The following ANKS1B variants were observed in gnomAD, a reference collection of about 807,000 sequenced individuals.
ANKS1B encodes ankyrin repeat and sterile alpha motif domain-containing protein 1B.
In ANKS1B, 36 loss-of-function variants were observed where a neutral mutation model predicts 148.3. The observed-to-expected ratio is 0.24, with a 90% CI of 0.19 to 0.32. The LOEUF is 0.32. Ranked by LOEUF, ANKS1B falls within the 10% of genes least tolerant of loss-of-function variation. The pLI, the probability that ANKS1B is intolerant of heterozygous loss-of-function variation, is 1.00. For synonymous variants in ANKS1B, 542 were observed against 560.8 expected (o/e 0.97, Z 0.47); for missense variants, 1,157 against 1,542.6 (o/e 0.75, Z 4.19).
chr12:99,168,558 A>C (rs887530642), intron 14 of ANKS1B, among the ~76,000 whole-genome samples: 1 of 152,096 alleles, frequency 6.6e-6, no homozygotes, highest in African/African-American at 2.4e-5. Context: ...TAAAGTAGAA[A>C]AAGAAAATAC....
intron 15 of ANKS1B, among the ~76,000 whole-genome samples, chr12:99,119,984 T>A (rs926775840): frequency 6.6e-6 from 1 of 152,204 alleles, no homozygotes; most frequent in African/African-American, 2.4e-5. Context: ...GAGCTATACA[T>A]ACATTTAAGA....
At chr12:99,675,915 GT>G (rs1453876580) in intron 8 of ANKS1B, among the ~76,000 whole-genome samples, 1 of 152,098 alleles carries the variant, frequency 6.6e-6, no homozygotes, top group Non-Finnish European at 1.5e-5. Context: ...GCATGATTCT[GT>G]TTCATTTTTA....
chr12:99,501,884 T>C (rs920596000), intron 10 of ANKS1B, among the ~76,000 whole-genome samples: 5 of 152,190 alleles, frequency 3.3e-5, no homozygotes, highest in Non-Finnish European at 7.3e-5. Flanking sequence ...TTAGATGTGA[T>C]TCGATTTCTG....
intron 9 of ANKS1B, among the ~76,000 whole-genome samples, chr12:99,520,020 T>C (rs2096859564): frequency 6.6e-6 from 1 of 152,214 alleles, no homozygotes; most frequent in Non-Finnish European, 1.5e-5. Flanking sequence ...TATTGTATTG[T>C]GTATGTCTTC....
intron 9 of ANKS1B, among the ~76,000 whole-genome samples, chr12:99,569,362 C>T (rs141215330): frequency 6.6e-6 from 1 of 152,174 alleles, no homozygotes; most frequent in Non-Finnish European, 1.5e-5. Context: ...TCTGCTTATA[C>T]TAGCTGTATA....
At chr12:98,816,396 A>G (rs1443841094) in intron 19 of ANKS1B, among the ~76,000 whole-genome samples, 2 of 152,166 alleles carry the variant, frequency 1.3e-5, no homozygotes, top group Non-Finnish European at 2.9e-5. Context: ...CCTAGGTTCA[A>G]ATGATTCTTG....
chr12:99,621,582 A>AT (rs572031554), intron 9 of ANKS1B, among the ~76,000 whole-genome samples: 91 of 152,172 alleles, frequency 6.0e-4, no homozygotes, highest in African/African-American at 2.1e-3. Context: ...CAAACAGAAA[A>AT]TGAAAAAGAG....
At chr12:99,648,856 A>G in intron 9 of ANKS1B, 1 of 1,512,206 alleles carries the variant, frequency 6.6e-7, no homozygotes, top group Non-Finnish European at 8.8e-7. Context: ...GGTCCTGTAA[A>G]GCCTTTGGTG....
At chr12:98,943,925 A>G (rs1341997575) in intron 17 of ANKS1B, among the ~76,000 whole-genome samples, 1 of 152,172 alleles carries the variant, frequency 6.6e-6, no homozygotes, top group East Asian at 1.9e-4. Context: ...ATTGGGGTGG[A>G]TCCCTCGTGA....
chr12:99,459,687 T>C (rs1297737060), intron 10 of ANKS1B, among the ~76,000 whole-genome samples: 2 of 151,364 alleles, frequency 1.3e-5, no homozygotes, highest in Non-Finnish European at 3.0e-5. Flanking sequence ...ATTAGGAATA[T>C]ACTCAACCAA....
chr12:99,846,732 A>G (rs549735130), intron 1 of ANKS1B, among the ~76,000 whole-genome samples: 1 of 152,246 alleles, frequency 6.6e-6, no homozygotes, highest in East Asian at 1.9e-4. Context: ...TGCCATGACC[A>G]CTAAAGTCCT....
chr12:99,617,035 G>A (rs1308778629), intron 9 of ANKS1B, among the ~76,000 whole-genome samples: 2 of 152,180 alleles, frequency 1.3e-5, no homozygotes. Context: ...AAAAACACAT[G>A]AGAGAAAGCT....
intron 1 of ANKS1B, among the ~76,000 whole-genome samples, chr12:99,836,300 C>A (rs115319172): frequency 6.6e-6 from 1 of 151,844 alleles, no homozygotes; most frequent in East Asian, 1.9e-4. Context: ...GAGTCACAAA[C>A]AATTTCTTAA....
chr12:99,747,808 T>C (rs1319430306), intron 8 of ANKS1B, among the ~76,000 whole-genome samples: 1 of 152,156 alleles, frequency 6.6e-6, no homozygotes, highest in African/African-American at 2.4e-5. Context: ...CAAATCTCTC[T>C]TATTAAACAC....
chr12:99,139,648 G>A (rs1480522370), intron 15 of ANKS1B, among the ~76,000 whole-genome samples: 2 of 150,758 alleles, frequency 1.3e-5, no homozygotes, highest in South Asian at 2.1e-4. Context: ...TACATTGTTG[G>A]CTTTTATTAA....
intron 17 of ANKS1B, among the ~76,000 whole-genome samples, chr12:98,836,063 G>A (rs894471521): frequency 6.6e-6 from 1 of 152,156 alleles, no homozygotes; most frequent in Non-Finnish European, 1.5e-5. Flanking sequence ...ACACTGCTAA[G>A]AGGTACATGG....
At chr12:98,735,461 T>C (rs1254849494) in exon 10 of ANKS1B, 1 of 484,300 alleles carries the variant, frequency 2.1e-6, no homozygotes, top group Non-Finnish European at 3.8e-6. Context: ...TCTTTGCTTG[T>C]CATTTATCTG....
At chr12:99,777,442 A>C (rs1485144223) in intron 6 of ANKS1B, among the ~76,000 whole-genome samples, 1 of 152,218 alleles carries the variant, frequency 6.6e-6, no homozygotes, top group Admixed American at 6.5e-5. Context: ...ACAACATTTC[A>C]TCTTATATAA....
At chr12:99,635,493 C>T (rs1457718562) in intron 9 of ANKS1B, among the ~76,000 whole-genome samples, 1 of 151,918 alleles carries the variant, frequency 6.6e-6, no homozygotes, top group Non-Finnish European at 1.5e-5. Context: ...GTGAAATAAG[C>T]CAGTCACAAA....
Sources: allele counts gnomAD v4.1 joint callset (sites outside exome capture counted in the v4.1 genomes callset), GRCh38; gene constraint gnomAD v4.1.1; transcripts MANE v1.5; gene names NCBI Gene and HGNC (gene_info 2026-07-23, HGNC 2026-07-21).